GULP1: variants seen among roughly 807,000 people sequenced by gnomAD.
The protein encoded by GULP1 is GULP PTB domain containing engulfment adaptor 1.
GULP1 carries 19 observed loss-of-function variants against 40.9 expected under a neutral mutation model. The ratio of observed to expected loss-of-function variants is 0.46; its 90% CI spans 0.32 to 0.68. The LOEUF (loss-of-function observed/expected upper bound fraction) is 0.68, where lower values mean the gene tolerates loss of function less well. GULP1 is among the 30% of genes least tolerant of loss of function. The pLI is 0.03. For missense variants in GULP1, 312 were observed against 362.2 expected (o/e 0.86, Z 1.12); for synonymous variants, 119 against 117.6 (o/e 1.01, Z -0.08).
intron 1 of GULP1, among the ~76,000 whole-genome samples, chr2:188,364,766 C>A (rs1038445586): frequency 1.4e-5 from 2 of 147,398 alleles, no homozygotes; most frequent in African/African-American, 5.0e-5. Flanking sequence ...TACATATATA[C>A]ATATATACAT....
At chr2:188,428,539 A>C (rs1369815301) in intron 2 of GULP1, among the ~76,000 whole-genome samples, 1 of 152,148 alleles carries the variant, frequency 6.6e-6, no homozygotes, top group African/African-American at 2.4e-5. Flanking sequence ...TTATCATGAT[A>C]GATTTTTCAC....
chr2:188,375,697 A>C (rs59329932), intron 1 of GULP1, among the ~76,000 whole-genome samples: 10,222 of 152,234 alleles, frequency 0.067, 1,159 homozygotes, highest in African/African-American at 0.23. Context: ...TTCTTTAATC[A>C]TCTGAATATT....
chr2:188,450,580 T>TA (rs1173108097), intron 2 of GULP1, among the ~76,000 whole-genome samples: 2 of 152,078 alleles, frequency 1.3e-5, no homozygotes, highest in African/African-American at 4.8e-5. Flanking sequence ...CAATTATATA[T>TA]TTTTCCCTGA....
intron 7 of GULP1, among the ~76,000 whole-genome samples, chr2:188,558,525 T>C (rs1695430757): frequency 6.6e-6 from 1 of 152,110 alleles, no homozygotes; most frequent in Non-Finnish European, 1.5e-5. Flanking sequence ...TGTAAATTGG[T>C]ACCAGTAGAG....
rs1380247429 is a variant in GULP1, at chr2:188,492,804, G to C, written c.90+9312G>C. Among the ~76,000 whole-genome samples, 3 of 151,966 alleles carry C rather than the reference G, an allele frequency of 2.0e-5. No individual in the cohort carries two copies. The East Asian group carries it at 5.8e-4, about 29-fold the overall frequency. On this transcript the variant is annotated intron_variant, in intron 4 of 11. Transcript: ENST00000409830. ...ATTAGTTCCTAAAAGGTTGTTTTAA[G>C]GTTCAAGAAGATGATTATGAAAGTC...
At chr2:188,540,106 A>C (rs1464405760) in intron 6 of GULP1, among the ~76,000 whole-genome samples, 1 of 152,080 alleles carries the variant, frequency 6.6e-6, no homozygotes, top group Non-Finnish European at 1.5e-5. Context: ...CACCCACTCA[A>C]TAATCTTGGT....
chr2:188,499,358 A>G (rs569803533), intron 4 of GULP1, among the ~76,000 whole-genome samples: 4 of 151,368 alleles, frequency 2.6e-5, no homozygotes, highest in Non-Finnish European at 5.9e-5. Flanking sequence ...AGCAAAGATC[A>G]TCATTATTAT....
intron 1 of GULP1, among the ~76,000 whole-genome samples, chr2:188,370,090 G>C (rs1032497977): frequency 1.3e-5 from 2 of 152,134 alleles, no homozygotes; most frequent in Non-Finnish European, 2.9e-5. Context: ...GAGGTTTTGT[G>C]CCAGATCCCC....
At chr2:188,575,293 C>A (rs575869507) in intron 9 of GULP1, among the ~76,000 whole-genome samples, 3 of 152,062 alleles carry the variant, frequency 2.0e-5, no homozygotes, top group Non-Finnish European at 2.9e-5. Context: ...TAGTTGTGAT[C>A]TGCTATGGAA....
At chr2:188,414,216 C>CAAAAAA (rs774779119) in intron 2 of GULP1, among the ~76,000 whole-genome samples, 49 of 43,906 alleles carry the variant, frequency 1.1e-3, no homozygotes, top group Middle Eastern at 0.014. Context: ...GACTCCATCT[C>CAAAAAA]AAAAAAAAAA....
chr2:188,490,336 G>T (rs1037831195), intron 4 of GULP1, among the ~76,000 whole-genome samples: 1 of 152,060 alleles, frequency 6.6e-6, no homozygotes, highest in African/African-American at 2.4e-5. Context: ...GCGATATACT[G>T]TTCCTAATTT....
At chr2:188,546,841 A>T (rs904141208) in intron 7 of GULP1, among the ~76,000 whole-genome samples, 7 of 152,028 alleles carry the variant, frequency 4.6e-5, no homozygotes, top group African/African-American at 1.7e-4. Flanking sequence ...GACACAAGTT[A>T]CCAATATTTA....
intron 7 of GULP1, among the ~76,000 whole-genome samples, chr2:188,549,803 A>C (rs1236849684): frequency 6.6e-6 from 1 of 151,700 alleles, no homozygotes; most frequent in Non-Finnish European, 1.5e-5. Flanking sequence ...AATGTGGATG[A>C]CTCTCCAGAG....
At chr2:188,396,166 C>G (rs566189521) in intron 2 of GULP1, among the ~76,000 whole-genome samples, 1 of 152,300 alleles carries the variant, frequency 6.6e-6, no homozygotes, top group South Asian at 2.1e-4. Flanking sequence ...GATTTGTGCT[C>G]TTTTTATGCT....
intron 1 of GULP1, among the ~76,000 whole-genome samples, chr2:188,368,567 C>T (rs535002213): frequency 1.3e-5 from 2 of 151,412 alleles, no homozygotes; most frequent in African/African-American, 2.4e-5. Flanking sequence ...GGTAACAGAG[C>T]GAGACTCCAT....
At chr2:188,306,097 T>G (rs964723732) in intron 1 of GULP1, among the ~76,000 whole-genome samples, 1 of 152,104 alleles carries the variant, frequency 6.6e-6, no homozygotes, top group Non-Finnish European at 1.5e-5. Context: ...CTTAATCCCA[T>G]TTTTCCTCCT....
At chr2:188,452,861 T>C (rs911108534) in intron 2 of GULP1, among the ~76,000 whole-genome samples, 1 of 152,230 alleles carries the variant, frequency 6.6e-6, no homozygotes, top group African/African-American at 2.4e-5. Context: ...GTAAATCATA[T>C]TAAAACTATT....
At chr2:188,522,980 A>G (rs981900799) in intron 5 of GULP1, 153 bp downstream of exon 5, 4 of 517,220 alleles carry the variant, frequency 7.7e-6, no homozygotes, top group African/African-American at 1.9e-5. Context: ...TATCAAGGAA[A>G]CATTTTTAAT....
intron 3 of GULP1, among the ~76,000 whole-genome samples, chr2:188,479,470 A>C (rs1403137161): frequency 6.6e-6 from 1 of 152,070 alleles, no homozygotes; most frequent in East Asian, 1.9e-4. Context: ...TAGAGATAGG[A>C]TCTTGCTACG....
Sources: gnomAD v4.1 joint callset for allele counts (sites outside exome capture counted in the v4.1 genomes callset) on GRCh38, gnomAD v4.1.1 for gene constraint, MANE v1.5 for transcripts, NCBI Gene and HGNC (gene_info 2026-07-23, HGNC 2026-07-21) for gene names.